POC1B: variants seen among roughly 807,000 people sequenced by gnomAD.
The protein encoded by POC1B is POC1 centriolar protein homolog B.
A neutral mutation model predicts 60.6 loss-of-function variants in POC1B; 44 were observed. The observed-to-expected ratio is 0.73, with a 90% confidence interval of 0.57 to 0.93. POC1B has a LOEUF of 0.93. Among genes scored for constraint, POC1B ranks in the 40% least tolerant of loss-of-function variants. The probability of loss-of-function intolerance (pLI) is 0.00; values close to 1 mark genes in which losing one functional copy is unlikely to be tolerated. For missense variants in POC1B, 555 were observed against 572.3 expected (o/e 0.97, Z 0.31); for synonymous variants, 180 against 198.9 (o/e 0.90, Z 0.80).
intron 10 of POC1B, among the ~76,000 whole-genome samples, chr12:89,448,978 C>G (rs1209047039): frequency 2.6e-5 from 4 of 152,226 alleles, no homozygotes; most frequent in Non-Finnish European, 5.9e-5. Context: ...TCAGTACTTT[C>G]CGTTTTTTTC....
the POC1B span, among the ~76,000 whole-genome samples, chr12:89,402,308 T>G: frequency 6.6e-6 from 1 of 151,328 alleles, no homozygotes; most frequent in African/African-American, 2.4e-5. Flanking sequence ...ATTTAATTAA[T>G]TCCTATATGA....
chr12:89,481,018 G>A (rs1176714169), intron 4 of POC1B, among the ~76,000 whole-genome samples: 2 of 152,014 alleles, frequency 1.3e-5, no homozygotes, highest in African/African-American at 4.8e-5. Context: ...TTACAGGTGT[G>A]AGCCACCTGG....
At chr12:89,415,021 C>T (rs185857387), downstream of POC1B, among the ~76,000 whole-genome samples, 2 of 152,306 alleles carry the variant, frequency 1.3e-5, no homozygotes, top group African/African-American at 4.8e-5. Context: ...TTACTTGATT[C>T]ACATTCCAAG....
At chr12:89,508,456 G>T (rs1186165385) in intron 2 of POC1B, among the ~76,000 whole-genome samples, 5 of 152,190 alleles carry the variant, frequency 3.3e-5, no homozygotes, top group Non-Finnish European at 5.9e-5. Flanking sequence ...ATTTTGACAA[G>T]AATATCACAA....
the POC1B span, among the ~76,000 whole-genome samples, chr12:89,403,265 C>A: frequency 6.6e-6 from 1 of 152,048 alleles, no homozygotes; most frequent in Non-Finnish European, 1.5e-5. Context: ...CCTTGGCCTC[C>A]CAAAGTGATG....
Position 89,471,698 on chromosome 12 carries a change from C to T in POC1B, c.592G>A (p.Gly198Ser), listed in dbSNP as rs759047892. 3.6e-5 allele frequency: 58 copies of T among 1,607,728 alleles called. No homozygotes were observed. Among genetic ancestry groups the T allele is most frequent in the Non-Finnish European group, 9.3e-6 (11 of 1,177,258 alleles). The change falls in exon 6 of 12, where the codon GGT (glycine) becomes AGT (serine). Residue 198 changes from glycine (G) to serine (S), a missense_variant. By Grantham distance (56) the Gly-to-Ser change is moderately conservative. Coordinates refer to ENST00000313546, the MANE Select transcript of POC1B (RefSeq NM_172240.3). ...FANFVDFNPS[G>S]TCIASAGSDQ... is the part of the protein sequence containing the mutation. ...GAACCTGCTGAAGCTATGCATGTAC[C>T]ACTAGGGTTAAAGTCCACAAAATTT...
chr12:89,450,862 G>C (rs1228101918), intron 10 of POC1B, among the ~76,000 whole-genome samples: 1 of 152,106 alleles, frequency 6.6e-6, no homozygotes, highest in African/African-American at 2.4e-5. Flanking sequence ...GTATCACTCA[G>C]GGTTCAGCAG....
At chr12:89,427,929 T>G in intron 10 of POC1B, 1 of 152,228 alleles carries the variant, frequency 6.6e-6, no homozygotes, top group Non-Finnish European at 1.5e-5. Flanking sequence ...CACCTATTCA[T>G]GCTCTGAGCT....
At chr12:89,494,646 C>A (rs1392245284) in intron 3 of POC1B, among the ~76,000 whole-genome samples, 1 of 152,166 alleles carries the variant, frequency 6.6e-6, no homozygotes, top group African/African-American at 2.4e-5. Flanking sequence ...CTCTGAGGAA[C>A]AGAACGTGGC....
At chr12:89,525,012 A>G in intron 2 of POC1B, 108 bp downstream of exon 2, 1 of 1,506,354 alleles carries the variant, frequency 6.6e-7, no homozygotes, top group Non-Finnish European at 9.1e-7. Flanking sequence ...CTCAACCCTC[A>G]TACAGGCCCT....
intron 2 of POC1B, chr12:89,524,819 C>T (rs1592656445): frequency 1.9e-5 from 12 of 616,320 alleles, no homozygotes; most frequent in African/African-American, 1.8e-5. Flanking sequence ...CCCACCCTCC[C>T]CGGGCCGAGG....
intron 2 of POC1B, chr12:89,523,778 T>C: frequency 6.5e-7 from 1 of 1,535,164 alleles, no homozygotes. Flanking sequence ...CAATCAATTG[T>C]GTCTATAACA....
At chr12:89,433,538 G>C (rs1322798170) in intron 10 of POC1B, among the ~76,000 whole-genome samples, 1 of 152,128 alleles carries the variant, frequency 6.6e-6, no homozygotes, top group Non-Finnish European at 1.5e-5. Context: ...GGGAGAAAGG[G>C]ACAAGACCAT....
In POC1B at chr12:89,420,961, T is replaced by A; in HGVS notation, c.*192A>T. ...TAGTAATTTAAATTAGTCCTTCACA[T>A]TGATATGTGTTTAAATTAGTCCTTA... On this transcript the variant is annotated 3_prime_UTR_variant, in exon 12 of 12. Transcript: ENST00000313546. 1 of 441,314 alleles carries A rather than the reference T, an allele frequency of 2.3e-6. No homozygotes were observed. Among genetic ancestry groups the A allele is most frequent in the Non-Finnish European group, 4.1e-6 (1 of 246,724 alleles). The allele number at this position is 441,314 out of a possible 1,614,324, so 27.3% of individuals were successfully genotyped here. A position where few individuals can be genotyped will look rare whatever the true frequency, so the allele number is the denominator to read the frequency against.
chr12:89,477,698 T>C (rs77012439), intron 4 of POC1B, among the ~76,000 whole-genome samples: 1,806 of 152,196 alleles, frequency 0.012, 36 homozygotes, highest in African/African-American at 0.041. Context: ...TGTCTTCCAC[T>C]CTCCACAAGC....
At chr12:89,407,720 G>A in the POC1B span, among the ~76,000 whole-genome samples, 2 of 152,190 alleles carry the variant, frequency 1.3e-5, no homozygotes, top group African/African-American at 4.8e-5. Flanking sequence ...CTGCTTATAA[G>A]ACATTTTGAC....
intron 10 of POC1B, among the ~76,000 whole-genome samples, chr12:89,457,151 C>A (rs1380787261): frequency 6.6e-6 from 1 of 152,110 alleles, no homozygotes. Flanking sequence ...CAATCACATG[C>A]AAAGTACACA....
chr12:89,430,748 C>T (rs1437210829), intron 10 of POC1B, among the ~76,000 whole-genome samples: 4 of 152,074 alleles, frequency 2.6e-5, no homozygotes, highest in African/African-American at 9.7e-5. Context: ...GATTATGAAC[C>T]CCTCATGTGG....
chr12:89,508,869 T>C (rs769194454), intron 2 of POC1B, among the ~76,000 whole-genome samples: 4 of 152,222 alleles, frequency 2.6e-5, no homozygotes, highest in Non-Finnish European at 5.9e-5. Context: ...CCTTAGGCTA[T>C]GATCCTAAAT....
Sources: gnomAD v4.1 joint callset for allele counts (sites outside exome capture counted in the v4.1 genomes callset) on GRCh38, gnomAD v4.1.1 for gene constraint, MANE v1.5 for transcripts, NCBI Gene and HGNC (gene_info 2026-07-23, HGNC 2026-07-21) for gene names.